Variants in DLGAP2 observed in about 807,000 individuals in gnomAD.
DLGAP2 encodes the protein DLG associated protein 2, also known as disks large-associated protein 2.
In DLGAP2, 26 loss-of-function variants were observed where a neutral mutation model predicts 100.3. That is an observed-to-expected ratio of 0.26 (90% CI 0.19 to 0.36). DLGAP2 has a LOEUF of 0.36. Among genes scored for constraint, DLGAP2 ranks in the 10% least tolerant of loss-of-function variants. The pLI, the probability that DLGAP2 is intolerant of heterozygous loss-of-function variation, is 1.00. For missense variants in DLGAP2, 1,858 were observed against 1,453.2 expected, an observed-to-expected ratio of 1.28 and a Z score of -4.53; for synonymous variants, 886 against 630.1, an observed-to-expected ratio of 1.41 and a Z score of -6.08.
chr8:1,197,058 A>G (rs1314468297), intron 2 of DLGAP2, among the ~76,000 whole-genome samples: 4 of 152,192 alleles, frequency 2.6e-5, no homozygotes, highest in Non-Finnish European at 5.9e-5. Context: ...GCCTCGCCCA[A>G]GAAGAAGGAA....
At chr8:1,485,846 G>A (rs575613435) in intron 3 of DLGAP2, among the ~76,000 whole-genome samples, 2 of 152,212 alleles carry the variant, frequency 1.3e-5, no homozygotes, top group Non-Finnish European at 2.9e-5. Context: ...CCAACATGGC[G>A]AAACCCCATC....
chr8:766,356 G>A (rs1020061042), intron 1 of DLGAP2, among the ~76,000 whole-genome samples: 3 of 152,164 alleles, frequency 2.0e-5, no homozygotes, highest in African/African-American at 4.8e-5. Context: ...GTCAACCCTC[G>A]TGTGTGTTCA....
chr8:1,177,131 C>A (rs1199869424), intron 2 of DLGAP2, among the ~76,000 whole-genome samples: 1 of 152,150 alleles, frequency 6.6e-6, no homozygotes, highest in Admixed American at 6.5e-5. Flanking sequence ...AAGTCCCAGC[C>A]TTCGAGTGGA....
intron 3 of DLGAP2, among the ~76,000 whole-genome samples, chr8:1,284,026 A>G (rs1766908607): frequency 6.6e-6 from 1 of 152,250 alleles, no homozygotes. Context: ...TATAGAGTCC[A>G]AATTTTCTAT....
chr8:1,111,205 G>A (rs1355852674), intron 2 of DLGAP2, among the ~76,000 whole-genome samples: 1 of 152,154 alleles, frequency 6.6e-6, no homozygotes. Flanking sequence ...AACATGGAGA[G>A]AGGTGGCTTA....
chr8:1,172,912 G>T (rs907444992), intron 2 of DLGAP2, among the ~76,000 whole-genome samples: 4 of 152,146 alleles, frequency 2.6e-5, no homozygotes, highest in South Asian at 4.1e-4. Context: ...AGCTTTGTTC[G>T]ATTGCTGGTG....
intron 3 of DLGAP2, among the ~76,000 whole-genome samples, chr8:1,327,528 G>C (rs1385683857): frequency 6.6e-6 from 1 of 152,200 alleles, no homozygotes; most frequent in Non-Finnish European, 1.5e-5. Flanking sequence ...TTTTTAAAAA[G>C]TTTAAATCTC....
At chr8:969,541 AGAAAAAAAAAAAAG>A (rs1378437091) in intron 2 of DLGAP2, among the ~76,000 whole-genome samples, 13 of 140,052 alleles carry the variant, frequency 9.3e-5, no homozygotes, top group African/African-American at 2.9e-4. Flanking sequence ...TGTGCCAGTT[AGAAAAAAAAAAAAG>A]ATATAAACTT....
intron 3 of DLGAP2, among the ~76,000 whole-genome samples, chr8:1,462,287 A>G (rs1372512790): frequency 2.9e-5 from 2 of 68,318 alleles, no homozygotes; most frequent in Non-Finnish European, 2.7e-5. Flanking sequence ...TGATTCAGTG[A>G]CCAGGAGGAG....
intron 2 of DLGAP2, among the ~76,000 whole-genome samples, chr8:1,064,332 G>T (rs898947675): frequency 1.3e-5 from 2 of 152,182 alleles, no homozygotes; most frequent in Admixed American, 6.5e-5. Context: ...AAATATAGCT[G>T]CAAGAGGTAC....
At chr8:1,382,927 G>T (rs186135629) in intron 3 of DLGAP2, among the ~76,000 whole-genome samples, 4 of 151,694 alleles carry the variant, frequency 2.6e-5, no homozygotes, top group African/African-American at 7.3e-5. Flanking sequence ...GTGTGTGCGT[G>T]TGTGTGTGTG....
intron 3 of DLGAP2, among the ~76,000 whole-genome samples, chr8:1,491,019 TATA>T (rs1465165428): frequency 3.4e-4 from 31 of 91,584 alleles, no homozygotes; most frequent in African/African-American, 1.1e-3. Context: ...AAACTTAAAG[TATA>T]ATAATAATAA....
intron 2 of DLGAP2, among the ~76,000 whole-genome samples, chr8:1,126,964 C>T (rs1349980133): frequency 6.6e-6 from 1 of 151,232 alleles, no homozygotes; most frequent in African/African-American, 2.4e-5. Context: ...TGTCCCCAGC[C>T]CAGCTCTTAA....
chr8:1,689,650 G>A (rs144141707), intron 12 of DLGAP2, among the ~76,000 whole-genome samples: 104 of 152,062 alleles, frequency 6.8e-4, no homozygotes, highest in African/African-American at 2.4e-3. Flanking sequence ...AGCAAAAAGA[G>A]CAGGTGGAAT....
intron 3 of DLGAP2, among the ~76,000 whole-genome samples, chr8:1,345,262 G>GCTACTATATC (rs377340413): frequency 1.3e-5 from 2 of 151,724 alleles, no homozygotes; most frequent in African/African-American, 4.9e-5. Flanking sequence ...CAGAGTGTGC[G>GCTACTATATC]GTCTGTTTCT....
intron 3 of DLGAP2, among the ~76,000 whole-genome samples, chr8:1,296,808 G>C (rs895888999): frequency 2.6e-5 from 4 of 152,198 alleles, no homozygotes; most frequent in Non-Finnish European, 2.9e-5. Flanking sequence ...TGGGTGCACA[G>C]CCGCACCGGA....
intron 3 of DLGAP2, among the ~76,000 whole-genome samples, chr8:1,497,150 G>T (rs1394961201): frequency 6.6e-6 from 1 of 152,204 alleles, no homozygotes; most frequent in African/African-American, 2.4e-5. Flanking sequence ...GTGAAAGACT[G>T]TTTCTCCAGT....
At chr8:804,035 A>G (rs1159620730) in intron 1 of DLGAP2, among the ~76,000 whole-genome samples, 1 of 152,054 alleles carries the variant, frequency 6.6e-6, no homozygotes, top group African/African-American at 2.4e-5. Context: ...TTAGATTTAT[A>G]TGGTGGCGAG....
chr8:1,178,830 GT>G (rs1380462243), intron 2 of DLGAP2, among the ~76,000 whole-genome samples: 1 of 152,206 alleles, frequency 6.6e-6, no homozygotes, highest in African/African-American at 2.4e-5. Context: ...GTCCACCCTG[GT>G]TTCTCACAAG....
Sources: allele counts gnomAD v4.1 joint callset (sites outside exome capture counted in the v4.1 genomes callset), GRCh38; gene constraint gnomAD v4.1.1; transcripts MANE v1.5; gene names NCBI Gene and HGNC (gene_info 2026-07-23, HGNC 2026-07-21).